Variants in CLSTN2 observed in about 807,000 individuals in gnomAD.
CLSTN2 encodes calsyntenin 2, also known as calsyntenin-2.
In CLSTN2, 48 loss-of-function variants were observed where a neutral mutation model predicts 101.2. The observed-to-expected ratio is 0.47, with a 90% CI of 0.38 to 0.60. The LOEUF is 0.60. CLSTN2 is among the 20% of genes least tolerant of loss of function. CLSTN2 has a pLI of 0.00. For synonymous variants in CLSTN2, 481 were observed against 463.6 expected (o/e 1.04, Z -0.48); for missense variants, 1,160 against 1,238.2 (o/e 0.94, Z 0.95).
intron 2 of CLSTN2, among the ~76,000 whole-genome samples, chr3:140,279,127 C>T (rs527980727): frequency 2.0e-5 from 3 of 152,326 alleles, no homozygotes; most frequent in Admixed American, 1.3e-4. Flanking sequence ...TTTCCCTCAA[C>T]ATTATGCCTA....
In CLSTN2 at chr3:140,458,646, A is replaced by G. The variant is rs76037161; in HGVS notation, c.974-875A>G. On this transcript the variant is annotated intron_variant, in intron 6 of 16. Coordinates refer to ENST00000458420, the MANE Select transcript of CLSTN2 (RefSeq NM_022131.3). ...CCTGCCCCCACTCCTGCTGCCTCAG[A>G]TGAAGTCTTCGTGCCTTAGCCTGAG... is the stretch of plus-strand genomic sequence containing the variant. Among the ~76,000 whole-genome samples, 523 of 152,278 alleles carry G rather than the reference A, an allele frequency of 3.4e-3. 4 individuals are homozygous for G. The highest frequency in any genetic ancestry group is 0.012 in the African/African-American group (500 of 41,550).
At chr3:140,392,490 A>G (rs2088126625) in intron 2 of CLSTN2, among the ~76,000 whole-genome samples, 1 of 152,130 alleles carries the variant, frequency 6.6e-6, no homozygotes, top group African/African-American at 2.4e-5. Context: ...AACCAAACAT[A>G]CTTCAAAGTT....
intron 1 of CLSTN2, among the ~76,000 whole-genome samples, chr3:140,126,842 A>T (rs2009441493): frequency 6.6e-6 from 1 of 152,144 alleles, no homozygotes; most frequent in Admixed American, 6.6e-5. Flanking sequence ...GTCACATCTG[A>T]ACCATGCCCA....
At chr3:140,220,651 T>C (rs1421758463) in intron 2 of CLSTN2, among the ~76,000 whole-genome samples, 1 of 152,374 alleles carries the variant, frequency 6.6e-6, no homozygotes, top group East Asian at 1.9e-4. Context: ...CTTCAAATTC[T>C]AAAGATAATG....
rs1255601903 is a variant in CLSTN2 at position 140,572,678 on chromosome 3, A to T, written c.*6425A>T. On this transcript the variant is annotated 3_prime_UTR_variant, in exon 17 of 17. Transcript: ENST00000458420. Reference sequence around the variant, plus strand: ...AGTGCATATTCTTGGGCCCCACCCCAGACCTACTGAATGAGAAGCTCTGGA... The same window carrying T: ...AGTGCATATTCTTGGGCCCCACCCCTGACCTACTGAATGAGAAGCTCTGGA... The T allele has an allele frequency of 6.6e-6, 1 of 152,280 alleles. No homozygotes were observed. The highest frequency in any genetic ancestry group is 1.5e-5 in the Non-Finnish European group (1 of 68,088). The allele number at this position is 152,280 out of a possible 1,614,324, so 9.4% of individuals were successfully genotyped here. A position where few individuals can be genotyped will look rare whatever the true frequency, so the allele number is the denominator to read the frequency against.
At chr3:139,943,338 A>G (rs1301253718) in intron 1 of CLSTN2, among the ~76,000 whole-genome samples, 1 of 151,798 alleles carries the variant, frequency 6.6e-6, no homozygotes, top group East Asian at 1.9e-4. Flanking sequence ...TCTAATTTTG[A>G]CCCCCTCTCC....
chr3:140,235,400 AC>A (rs1420195771), intron 2 of CLSTN2, among the ~76,000 whole-genome samples: 1 of 152,116 alleles, frequency 6.6e-6, no homozygotes, highest in Non-Finnish European at 1.5e-5. Context: ...AGTAGAGGAT[AC>A]CTTGAGTGCT....
At chr3:140,403,602 C>T in intron 2 of CLSTN2, 27 bp from the exon 3 acceptor site, 1 of 1,569,342 alleles carries the variant, frequency 6.4e-7, no homozygotes, top group East Asian at 2.3e-5. Context: ...TCAGGATTCC[C>T]ACTCACTGTT....
chr3:140,090,349 G>C (rs1576423286), intron 1 of CLSTN2, among the ~76,000 whole-genome samples: 1 of 152,110 alleles, frequency 6.6e-6, no homozygotes, highest in Non-Finnish European at 1.5e-5. Context: ...AATAATACTT[G>C]TCCAAGATGG....
intron 8 of CLSTN2, among the ~76,000 whole-genome samples, chr3:140,470,705 A>G (rs1051836219): frequency 3.9e-5 from 6 of 152,248 alleles, no homozygotes; most frequent in Non-Finnish European, 5.9e-5. Context: ...TGATAATTTT[A>G]GAGATGGGCA....
intron 2 of CLSTN2, among the ~76,000 whole-genome samples, chr3:140,348,219 A>G (rs967470284): frequency 1.3e-5 from 2 of 152,192 alleles, no homozygotes; most frequent in African/African-American, 4.8e-5. Flanking sequence ...GTTTCTCAGA[A>G]AGAAACCACA....
At chr3:140,049,009 C>T (rs2007937005) in intron 1 of CLSTN2, among the ~76,000 whole-genome samples, 1 of 152,176 alleles carries the variant, frequency 6.6e-6, no homozygotes, top group Admixed American at 6.5e-5. Context: ...CTTTGCACAC[C>T]CCCTCCCCCC....
chr3:140,013,488 C>T (rs775771169), intron 1 of CLSTN2, among the ~76,000 whole-genome samples: 5 of 152,118 alleles, frequency 3.3e-5, no homozygotes, highest in Non-Finnish European at 7.3e-5. Context: ...GAGACAGGGA[C>T]ACATGTGGGT....
At chr3:140,500,781 G>A (rs540005940) in intron 8 of CLSTN2, among the ~76,000 whole-genome samples, 1 of 152,216 alleles carries the variant, frequency 6.6e-6, no homozygotes, top group African/African-American at 2.4e-5. Context: ...GGAGACTGAG[G>A]AGAAAATGGA....
chr3:140,358,106 G>A (rs1163353110), intron 2 of CLSTN2, among the ~76,000 whole-genome samples: 1 of 152,048 alleles, frequency 6.6e-6, no homozygotes, highest in Admixed American at 6.6e-5. Context: ...GACTCCCCAG[G>A]CTCTGTGTTA....
intron 4 of CLSTN2, among the ~76,000 whole-genome samples, chr3:140,417,281 T>C (rs1186822342): frequency 1.3e-5 from 2 of 152,222 alleles, no homozygotes; most frequent in African/African-American, 4.8e-5. Flanking sequence ...ATAGACATTA[T>C]ACTTAGCTCT....
intron 1 of CLSTN2, among the ~76,000 whole-genome samples, chr3:140,100,889 T>A (rs1303879658): frequency 6.6e-6 from 1 of 152,222 alleles, no homozygotes; most frequent in African/African-American, 2.4e-5. Context: ...GCTCATGTTG[T>A]GCCCTCATGC....
intron 1 of CLSTN2, among the ~76,000 whole-genome samples, chr3:140,069,542 T>C (rs796870360): frequency 1.9e-4 from 29 of 152,346 alleles, no homozygotes; most frequent in African/African-American, 6.7e-4. Context: ...CATGCCTGAA[T>C]GACAAGCTCC....
chr3:140,220,283 A>T (rs1178715663), intron 2 of CLSTN2, among the ~76,000 whole-genome samples: 1 of 152,162 alleles, frequency 6.6e-6, no homozygotes, highest in East Asian at 1.9e-4. Flanking sequence ...TGGCATAATG[A>T]TCTCAATCCT....
Sources: allele counts gnomAD v4.1 joint callset (sites outside exome capture counted in the v4.1 genomes callset), GRCh38; gene constraint gnomAD v4.1.1; transcripts MANE v1.5; gene names NCBI Gene and HGNC (gene_info 2026-07-23, HGNC 2026-07-21).